Variants in ERC1 observed in about 807,000 individuals in gnomAD.
The protein encoded by ERC1 is RAB6 interacting protein 2.
Under a neutral mutation model 132.0 loss-of-function variants are expected in ERC1, and 56 were observed. That is an observed-to-expected ratio of 0.42 (90% CI 0.34 to 0.53). The LOEUF (loss-of-function observed/expected upper bound fraction) is 0.53. ERC1 is among the 20% of genes least tolerant of loss of function. ERC1 has a pLI of 0.03. For synonymous variants in ERC1, 478 were observed against 476.1 expected, an observed-to-expected ratio of 1.00 and a Z score of -0.05; for missense variants, 1,202 against 1,349.9, an observed-to-expected ratio of 0.89 and a Z score of 1.72.
rs1322012797 is a variant in ERC1 at position 1,051,812 on chromosome 12, C to G, written c.669+23240C>G. Among the ~76,000 whole-genome samples, 5 of 152,232 alleles carry G rather than the reference C, an allele frequency of 3.3e-5. No individual in the cohort carries two copies. In the East Asian group the frequency reaches 9.6e-4, roughly 29 times the overall value. ...GTGAATTAATAAAGCACTAAGGCAC[C>G]GTGTCCTTATGATCGCCTCTGCTCC... On this transcript the variant is annotated intron_variant, in intron 2 of 18. Transcript: ENST00000360905.
In ERC1 at chr12:1,226,105, A is replaced by G. The variant is rs2074555780; in HGVS notation, c.2352-10664A>G. Among the ~76,000 whole-genome samples, 3 of 152,304 alleles carry G rather than the reference A, an allele frequency of 2.0e-5. No homozygotes were observed. The South Asian group carries it at 6.2e-4, about 32-fold the overall frequency. Reference sequence around the variant, plus strand: ...CATTATTTTTCTTTTTATTTCCTCTAGTGATAACTGATTTTATTATATTGT... The same window carrying G: ...CATTATTTTTCTTTTTATTTCCTCTGGTGATAACTGATTTTATTATATTGT... On this transcript the variant is annotated intron_variant, in intron 12 of 18. Coordinates refer to ENST00000360905, the MANE Select transcript of ERC1 (RefSeq NM_178040.4).
At chr12:1,475,585 A>AG in intron 18 of ERC1, among the ~76,000 whole-genome samples, 1 of 152,352 alleles carries the variant, frequency 6.6e-6, no homozygotes, top group Non-Finnish European at 1.5e-5. Flanking sequence ...ATGAGAGGAA[A>AG]GGAAAAGCAA....
chr12:1,287,460 A>C (rs1380449820), intron 14 of ERC1, among the ~76,000 whole-genome samples: 1 of 152,210 alleles, frequency 6.6e-6, no homozygotes, highest in Non-Finnish European at 1.5e-5. Context: ...TGGGGATGAG[A>C]CTAACATTTA....
chr12:1,293,666 T>TA lies in ERC1; in HGVS notation c.2780+3661dup, dbSNP rs1450503665. Among the ~76,000 whole-genome samples, 5 of 152,014 alleles carry TA rather than the reference T, an allele frequency of 3.3e-5. No individual in the cohort carries two copies. In the South Asian group the frequency reaches 6.2e-4, roughly 19 times the overall value. On this transcript the variant is annotated intron_variant, in intron 15 of 18. Coordinates refer to ENST00000360905, the MANE Select transcript of ERC1 (RefSeq NM_178040.4). ...AAAAATTGTGGGGTTGTTCACATTC[T>TA]AAAAAAATCTCATTAGGGATTTATG...
At chr12:1,391,092 G>C (rs2089921078) in intron 16 of ERC1, 1 of 152,258 alleles carries the variant, frequency 6.6e-6, no homozygotes, top group South Asian at 2.1e-4. Context: ...TATTCATTCA[G>C]TTTGAGGTCT....
intron 12 of ERC1, among the ~76,000 whole-genome samples, chr12:1,204,778 C>T (rs1381364958): frequency 1.3e-5 from 2 of 151,832 alleles, no homozygotes; most frequent in Non-Finnish European, 2.9e-5. Context: ...AAGAGCATTA[C>T]GAGGAAAGAG....
chr12:1,419,676 G>A (rs1400135712), intron 17 of ERC1, among the ~76,000 whole-genome samples: 2 of 151,896 alleles, frequency 1.3e-5, no homozygotes, highest in African/African-American at 2.4e-5. Flanking sequence ...TTGTCGTTTA[G>A]TGGATATAGA....
At chr12:1,248,111 G>A (rs2076266290) in intron 13 of ERC1, among the ~76,000 whole-genome samples, 2 of 152,152 alleles carry the variant, frequency 1.3e-5, no homozygotes, top group South Asian at 4.1e-4. Context: ...GTTATACCTA[G>A]ACCTAGAGAT....
chr12:1,018,135 CAG>C (rs1181745747), intron 1 of ERC1, among the ~76,000 whole-genome samples: 2 of 152,106 alleles, frequency 1.3e-5, no homozygotes, highest in African/African-American at 4.8e-5. Context: ...TAATTATTTT[CAG>C]GGGATAGATG....
intron 15 of ERC1, among the ~76,000 whole-genome samples, chr12:1,303,964 A>AAG (rs1555352922): frequency 2.7e-5 from 4 of 148,212 alleles, no homozygotes; most frequent in African/African-American, 1.0e-4. Flanking sequence ...AGAAAAAAAA[A>AAG]AAAAAAGAAT....
intron 12 of ERC1, among the ~76,000 whole-genome samples, chr12:1,236,453 C>T (rs909579284): frequency 2.6e-5 from 4 of 152,148 alleles, no homozygotes; most frequent in African/African-American, 7.2e-5. Context: ...ATACTGCTTC[C>T]GTATTTCCAA....
At chr12:1,383,104 C>T (rs941842655) in intron 16 of ERC1, among the ~76,000 whole-genome samples, 1 of 152,162 alleles carries the variant, frequency 6.6e-6, no homozygotes, top group Non-Finnish European at 1.5e-5. Context: ...CCTTTCCTAT[C>T]GTCAAACTGC....
intron 16 of ERC1, among the ~76,000 whole-genome samples, chr12:1,402,861 G>T (rs1396036368): frequency 6.6e-6 from 1 of 152,094 alleles, no homozygotes; most frequent in Admixed American, 6.6e-5. Flanking sequence ...TATTACTAAA[G>T]AATTAATTAG....
At chr12:1,424,499 A>T (rs1041382494) in intron 17 of ERC1, among the ~76,000 whole-genome samples, 2 of 152,178 alleles carry the variant, frequency 1.3e-5, no homozygotes, top group Non-Finnish European at 2.9e-5. Context: ...ATTTAAAAAG[A>T]GTAGTCTCTT....
intron 18 of ERC1, among the ~76,000 whole-genome samples, chr12:1,455,578 G>A (rs1180964548): frequency 6.6e-6 from 1 of 152,066 alleles, no homozygotes; most frequent in African/African-American, 2.4e-5. Context: ...GCCGTCTGTG[G>A]GACAGGAAGC....
chr12:1,041,496 C>T (rs549135571), intron 2 of ERC1, among the ~76,000 whole-genome samples: 2 of 152,046 alleles, frequency 1.3e-5, no homozygotes, highest in South Asian at 2.1e-4. Flanking sequence ...CGTGAGCCAC[C>T]GTACCCAGCC....
intron 8 of ERC1, among the ~76,000 whole-genome samples, chr12:1,176,801 C>T (rs1291380620): frequency 6.6e-6 from 1 of 152,186 alleles, no homozygotes; most frequent in African/African-American, 2.4e-5. Flanking sequence ...TATGAAAGTA[C>T]TAGATGGCAT....
chr12:1,165,451 G>A (rs942079574), intron 8 of ERC1, among the ~76,000 whole-genome samples: 1 of 151,874 alleles, frequency 6.6e-6, no homozygotes, highest in Non-Finnish European at 1.5e-5. Context: ...GACTACAGGC[G>A]CCTGCCACCA....
At chr12:1,140,715 C>T (rs754401206) in intron 7 of ERC1, among the ~76,000 whole-genome samples, 9 of 152,152 alleles carry the variant, frequency 5.9e-5, no homozygotes, top group Non-Finnish European at 1.0e-4. Flanking sequence ...TTGCACTGTT[C>T]AGTCTGGTAG....
Sources: gnomAD v4.1 joint callset for allele counts (sites outside exome capture counted in the v4.1 genomes callset) on GRCh38, gnomAD v4.1.1 for gene constraint, MANE v1.5 for transcripts, NCBI Gene and HGNC (gene_info 2026-07-23, HGNC 2026-07-21) for gene names.